The following BTRC variants were observed in gnomAD, a reference collection of about 807,000 sequenced individuals.
BTRC encodes the protein beta-transducin repeat containing E3 ubiquitin protein ligase, also known as F-box/WD repeat-containing protein 1A.
BTRC carries 42 observed loss-of-function variants against 85.5 expected under a neutral mutation model. That is an observed-to-expected ratio of 0.49 (90% CI 0.38 to 0.64). The LOEUF (loss-of-function observed/expected upper bound fraction) is 0.64, where lower values mean the gene tolerates loss of function less well. BTRC is among the 30% of genes least tolerant of loss of function. The probability of loss-of-function intolerance (pLI) is 0.00; values close to 1 mark genes in which losing one functional copy is unlikely to be tolerated. For synonymous variants in BTRC, 255 were observed against 263.3 expected, an observed-to-expected ratio of 0.97 and a Z score of 0.30; for missense variants, 594 against 743.5, an observed-to-expected ratio of 0.80 and a Z score of 2.34.
At chr10:101,473,617 C>CT (rs1335181887) in intron 3 of BTRC, among the ~76,000 whole-genome samples, 1 of 151,658 alleles carries the variant, frequency 6.6e-6, no homozygotes. Flanking sequence ...ATTACAGGCA[C>CT]TTGCCACCAT....
chr10:101,531,823 A>G (rs1238282888), intron 7 of BTRC, among the ~76,000 whole-genome samples: 1 of 152,270 alleles, frequency 6.6e-6, no homozygotes, highest in Non-Finnish European at 1.5e-5. Context: ...TGGTTTACTA[A>G]TAAGTAGATG....
intron 1 of BTRC, among the ~76,000 whole-genome samples, chr10:101,366,792 T>TATGTATATTAATA (rs1364182611): frequency 3.4e-5 from 3 of 88,084 alleles, no homozygotes; most frequent in African/African-American, 8.4e-5. Context: ...ATATATATTT[T>TATGTATATTAATA]TACATTTATA....
chr10:101,477,065 C>G (rs1033567129), intron 3 of BTRC, among the ~76,000 whole-genome samples: 1 of 152,200 alleles, frequency 6.6e-6, no homozygotes, highest in African/African-American at 2.4e-5. Flanking sequence ...CAGCCTCTGC[C>G]TCCCGGGTTC....
chr10:101,428,816 G>A (rs1038516608), intron 1 of BTRC, among the ~76,000 whole-genome samples: 4 of 152,096 alleles, frequency 2.6e-5, no homozygotes, highest in African/African-American at 9.7e-5. Flanking sequence ...GGATTTATTT[G>A]CAGCCCATTA....
At chr10:101,522,352 T>TAAAAAAAAA (rs34282047) in intron 5 of BTRC, among the ~76,000 whole-genome samples, 12 of 42,052 alleles carry the variant, frequency 2.9e-4, no homozygotes, top group Admixed American at 7.9e-4. Context: ...TATAAAGCTT[T>TAAAAAAAAA]AAAAAAAAAA....
At chr10:101,444,954 G>A (rs1167566065) in intron 2 of BTRC, among the ~76,000 whole-genome samples, 1 of 152,204 alleles carries the variant, frequency 6.6e-6, no homozygotes, top group Non-Finnish European at 1.5e-5. Context: ...GCATGGCCTT[G>A]AGGTTATAGG....
intron 4 of BTRC, among the ~76,000 whole-genome samples, chr10:101,484,721 T>C (rs552994455): frequency 1.3e-5 from 2 of 152,340 alleles, no homozygotes; most frequent in Admixed American, 1.3e-4. Flanking sequence ...AACCACGTCA[T>C]TGAGGCTGAT....
intron 1 of BTRC, among the ~76,000 whole-genome samples, chr10:101,421,745 G>C (rs1395647005): frequency 6.6e-6 from 1 of 150,830 alleles, no homozygotes; most frequent in Non-Finnish European, 1.5e-5. Context: ...CCTTGTGATA[G>C]TTTGCTGAGA....
At chr10:101,382,279 G>A (rs1486001138) in intron 1 of BTRC, among the ~76,000 whole-genome samples, 4 of 151,488 alleles carry the variant, frequency 2.6e-5, no homozygotes, top group South Asian at 4.2e-4. Flanking sequence ...CACCGCGTCC[G>A]GCCCCTAAGA....
chr10:101,427,106 TTTC>T (rs1387062132), intron 1 of BTRC, among the ~76,000 whole-genome samples: 1 of 146,734 alleles, frequency 6.8e-6, no homozygotes, highest in Non-Finnish European at 1.5e-5. Flanking sequence ...CCATTTCTTT[TTTC>T]TTTCTTTTTT....
chr10:101,541,163 G>C (rs1413323407), intron 13 of BTRC, among the ~76,000 whole-genome samples: 2 of 150,936 alleles, frequency 1.3e-5, no homozygotes, highest in African/African-American at 4.9e-5. Context: ...TGGTAAGAGT[G>C]AATGTCCCTT....
chr10:101,405,097 TG>T (rs1390767747), intron 1 of BTRC, among the ~76,000 whole-genome samples: 1 of 152,116 alleles, frequency 6.6e-6, no homozygotes, highest in African/African-American at 2.4e-5. Flanking sequence ...AACCACTTTA[TG>T]GGGCCATTTT....
intron 1 of BTRC, among the ~76,000 whole-genome samples, chr10:101,406,202 A>T: frequency 6.8e-6 from 1 of 147,772 alleles, no homozygotes. Flanking sequence ...TTTGAGATGG[A>T]GTCTCGCTCT....
chr10:101,505,917 A>AT (rs71472577), intron 4 of BTRC, among the ~76,000 whole-genome samples: 8,808 of 142,522 alleles, frequency 0.062, 301 homozygotes, highest in Non-Finnish European at 0.087. Context: ...CAGTTTTCCA[A>AT]TTTTTTTTTT....
chr10:101,392,227 C>T (rs1382129649), intron 1 of BTRC, among the ~76,000 whole-genome samples: 1 of 152,222 alleles, frequency 6.6e-6, no homozygotes, highest in African/African-American at 2.4e-5. Context: ...ATCTGCCCGC[C>T]TTGGCCTCCC....
intron 4 of BTRC, among the ~76,000 whole-genome samples, chr10:101,514,526 C>T (rs1211475667): frequency 6.6e-6 from 1 of 151,770 alleles, no homozygotes; most frequent in Non-Finnish European, 1.5e-5. Context: ...AATCTAGGCT[C>T]ACTATAACCT....
At chr10:101,354,697 G>C (rs1468939658) in intron 1 of BTRC, 2 of 173,864 alleles carry the variant, frequency 1.2e-5, no homozygotes, top group Non-Finnish European at 1.2e-5. Context: ...GAGGGGAACG[G>C]GCAGGGCTGG....
intron 1 of BTRC, among the ~76,000 whole-genome samples, chr10:101,390,535 T>C (rs1372072515): frequency 6.6e-6 from 1 of 152,004 alleles, no homozygotes; most frequent in East Asian, 1.9e-4. Context: ...GGTTTCACCA[T>C]GTTAGCCAGG....
intron 2 of BTRC, among the ~76,000 whole-genome samples, chr10:101,439,965 C>T (rs1944637816): frequency 6.6e-6 from 1 of 152,156 alleles, no homozygotes; most frequent in Non-Finnish European, 1.5e-5. Context: ...TTATTTATTG[C>T]TCTTATTATC....
Sources: allele counts gnomAD v4.1 joint callset (sites outside exome capture counted in the v4.1 genomes callset), GRCh38; gene constraint gnomAD v4.1.1; transcripts MANE v1.5; gene names NCBI Gene and HGNC (gene_info 2026-07-23, HGNC 2026-07-21).